COL4A3: variants seen among roughly 807,000 people sequenced by gnomAD.
The protein encoded by COL4A3 is collagen alpha-3(IV) chain.
A neutral mutation model predicts 217.4 loss-of-function variants in COL4A3; 135 were observed. That is an observed-to-expected ratio of 0.62 (90% CI 0.54 to 0.72). COL4A3 has a LOEUF of 0.72. COL4A3 is among the 30% of genes least tolerant of loss of function. The pLI is 0.00. For missense variants in COL4A3, 1,868 were observed against 2,119.9 expected (o/e 0.88, Z 2.33); for synonymous variants, 690 against 736.3 (o/e 0.94, Z 1.02).
At chr2:227,271,100 AC>A (rs1438275997) in intron 25 of COL4A3, 148 bp downstream of exon 25, 1 of 750,138 alleles carries the variant, frequency 1.3e-6, no homozygotes, top group African/African-American at 1.7e-5. Flanking sequence ...AGCAGGAATA[AC>A]CCAAGCAAAT....
intron 1 of COL4A3, among the ~76,000 whole-genome samples, chr2:227,165,955 A>C (rs975857428): frequency 6.6e-6 from 1 of 152,216 alleles, no homozygotes; most frequent in Non-Finnish European, 1.5e-5. Context: ...AACATTGTCC[A>C]TGAATTTACA....
intron 1 of COL4A3, among the ~76,000 whole-genome samples, chr2:227,167,999 T>A (rs2065339064): frequency 6.6e-6 from 1 of 152,220 alleles, no homozygotes; most frequent in Non-Finnish European, 1.5e-5. Context: ...GGAGCTTGCT[T>A]TTTATCACTC....
intron 1 of COL4A3, among the ~76,000 whole-genome samples, chr2:227,208,152 C>T (rs1246204546): frequency 2.0e-5 from 3 of 152,216 alleles, no homozygotes; most frequent in Non-Finnish European, 2.9e-5. Context: ...GGGCATAGGC[C>T]GAACTGACTT....
chr2:227,258,216 A>C (rs1559874057), intron 18 of COL4A3, among the ~76,000 whole-genome samples: 1 of 152,168 alleles, frequency 6.6e-6, no homozygotes, highest in Non-Finnish European at 1.5e-5. Flanking sequence ...TACCTCAAAA[A>C]ACAGTGGTTC....
intron 11 of COL4A3, among the ~76,000 whole-genome samples, chr2:227,252,841 C>G (rs1483399266): frequency 6.6e-6 from 1 of 152,110 alleles, no homozygotes; most frequent in Non-Finnish European, 1.5e-5. Flanking sequence ...ACTCATGTCA[C>G]TAAATTACTA....
At chr2:227,218,079 G>GATATATATATATAT (rs1559836142) in intron 1 of COL4A3, among the ~76,000 whole-genome samples, 1 of 42,614 alleles carries the variant, frequency 2.3e-5, no homozygotes, top group Admixed American at 2.9e-4. Flanking sequence ...TATATATATA[G>GATATATATATATAT]CTATATATAT....
intron 26 of COL4A3, 84 bp from the exon 27 acceptor site, chr2:227,276,301 A>C (rs2071556405): frequency 9.7e-7 from 1 of 1,030,994 alleles, no homozygotes. Flanking sequence ...TATGTTTATA[A>C]ACCCTTTATA....
intron 14 of COL4A3, among the ~76,000 whole-genome samples, chr2:227,254,381 T>C (rs1406413027): frequency 6.6e-6 from 1 of 152,170 alleles, no homozygotes; most frequent in African/African-American, 2.4e-5. Flanking sequence ...AGATCATGAA[T>C]ACACTAGAGT....
chr2:227,273,152 T>TG, intron 26 of COL4A3, 35 bp downstream of exon 26: 1 of 1,609,540 alleles, frequency 6.2e-7, no homozygotes, highest in Non-Finnish European at 8.5e-7. Context: ...TGTTTTCCGA[T>TG]GGAGTGGGTT....
At chr2:227,203,800 C>G (rs1329458707) in intron 1 of COL4A3, among the ~76,000 whole-genome samples, 1 of 149,874 alleles carries the variant, frequency 6.7e-6, no homozygotes, top group South Asian at 2.1e-4. Flanking sequence ...TATATATACA[C>G]TACAGTAGCA....
chr2:227,202,739 AAAAAAAAAT>A lies in COL4A3; in HGVS notation c.88-35227_88-35219del, dbSNP rs1409579323. ...GAAAGTGCGAGAATCCGTCTCTAAA[AAAAAAAAAT>A]ATATATATATATATATATATATATC... On this transcript the variant is annotated intron_variant, in intron 1 of 51. Transcript: ENST00000396578. Among the ~76,000 whole-genome samples the A allele has an allele frequency of 1.0e-3, 32 of 30,974 alleles. 1 individual carries two copies. Among genetic ancestry groups the A allele is most frequent in the South Asian group, 1.5e-3 (1 of 658 alleles). 20.3% of individuals were successfully genotyped at this position (30,974 alleles called of 152,430 possible).
At chr2:227,223,717 G>A (rs2067937496) in intron 1 of COL4A3, among the ~76,000 whole-genome samples, 1 of 151,960 alleles carries the variant, frequency 6.6e-6, no homozygotes, top group Non-Finnish European at 1.5e-5. Context: ...CTGGGTGACA[G>A]AATGAGACTC....
intron 1 of COL4A3, among the ~76,000 whole-genome samples, chr2:227,166,526 A>T (rs1314993691): frequency 6.6e-6 from 1 of 152,250 alleles, no homozygotes; most frequent in Admixed American, 6.5e-5. Flanking sequence ...CTTGGGGACC[A>T]TGCAAACTCT....
At chr2:227,259,638 A>T in intron 18 of COL4A3, 155 bp from the exon 19 acceptor site, 1 of 622,568 alleles carries the variant, frequency 1.6e-6, no homozygotes, top group African/African-American at 1.8e-5. Flanking sequence ...CTACATTTAC[A>T]TGACTATCAT....
chr2:227,168,427 T>C (rs184232665), intron 1 of COL4A3, among the ~76,000 whole-genome samples: 1 of 152,242 alleles, frequency 6.6e-6, no homozygotes, highest in East Asian at 1.9e-4. Context: ...GCCCTTTATA[T>C]TTCCTTCAGT....
At chr2:227,223,223 G>A (rs2067907044) in intron 1 of COL4A3, among the ~76,000 whole-genome samples, 1 of 152,092 alleles carries the variant, frequency 6.6e-6, no homozygotes, top group Non-Finnish European at 1.5e-5. Flanking sequence ...CTGAGGATGG[G>A]ATCTCGAGGG....
At chr2:227,281,048 G>GTC in intron 31 of COL4A3, 42 bp downstream of exon 31, 1 of 1,201,692 alleles carries the variant, frequency 8.3e-7, no homozygotes, top group Non-Finnish European at 1.2e-6. Flanking sequence ...AAGGGCAGGA[G>GTC]ACATGAGACT....
intron 43 of COL4A3, among the ~76,000 whole-genome samples, chr2:227,302,619 GCAAGCCAAGAT>G (rs2073334748): frequency 7.4e-6 from 1 of 134,730 alleles, no homozygotes; most frequent in South Asian, 2.3e-4. Flanking sequence ...AGAGGTTGCA[GCAAGCCAAGAT>G]CATGCCACTG....
intron 1 of COL4A3, among the ~76,000 whole-genome samples, chr2:227,213,412 A>G (rs1296042454): frequency 6.6e-6 from 1 of 152,146 alleles, no homozygotes; most frequent in Non-Finnish European, 1.5e-5. Flanking sequence ...AAGGTCCTCA[A>G]TTATTCTAGC....
Sources: gnomAD v4.1 joint callset for allele counts (sites outside exome capture counted in the v4.1 genomes callset) on GRCh38, gnomAD v4.1.1 for gene constraint, MANE v1.5 for transcripts, NCBI Gene and HGNC (gene_info 2026-07-23, HGNC 2026-07-21) for gene names.